The following ALG11 variants were observed in gnomAD, a reference collection of about 807,000 sequenced individuals.
The protein encoded by ALG11 is ALG11 alpha-1,2-mannosyltransferase.
In ALG11, 26 loss-of-function variants were observed where a neutral mutation model predicts 38.8. The observed-to-expected ratio is 0.67, with a 90% CI of 0.49 to 0.93. The LOEUF is 0.93. Among genes scored for constraint, ALG11 ranks in the 40% least tolerant of loss-of-function variants. The pLI, the probability that ALG11 is intolerant of heterozygous loss-of-function variation, is 0.00. For missense variants in ALG11, 535 were observed against 578.8 expected (o/e 0.92, Z 0.78); for synonymous variants, 199 against 211.6 (o/e 0.94, Z 0.52).
intron 3 of ALG11, among the ~76,000 whole-genome samples, chr13:52,026,870 A>C (rs1237494691): frequency 1.3e-5 from 2 of 152,206 alleles, no homozygotes; most frequent in African/African-American, 4.8e-5. Flanking sequence ...GTAGTTATCA[A>C]AGCTCCCGTG....
At chr13:52,019,848 T>C (rs1335968009) in intron 2 of ALG11, among the ~76,000 whole-genome samples, 2 of 152,052 alleles carry the variant, frequency 1.3e-5, no homozygotes, top group East Asian at 3.9e-4. Context: ...TGACTGAGCC[T>C]GGGAAGTCAA....
In ALG11 at chr13:52,024,836, A is replaced by T. The variant is rs77859426; in HGVS notation, c.1106A>T (p.Tyr369Phe). The part of the protein sequence containing the change: ...RLSEDLGVQE[Y>F]VEFKINIPFD... Reference sequence around the variant, plus strand: ...TCTGAGGATTTAGGAGTTCAAGAATATGTGGAATTTAAAATAAACATTCCA... The same window carrying T: ...TCTGAGGATTTAGGAGTTCAAGAATTTGTGGAATTTAAAATAAACATTCCA... The change falls in exon 3 of 4, where the codon TAT becomes TTT. Residue 369 changes from tyrosine (Y) to phenylalanine (F), a missense_variant. Coordinates refer to ENST00000521508, the MANE Select transcript of ALG11 (RefSeq NM_001004127.3). The T allele has an allele frequency of 7.4e-6, 12 of 1,614,016 alleles. No homozygotes were observed. The highest frequency in any genetic ancestry group is 1.0e-5 in the Non-Finnish European group (12 of 1,179,888).
At chr13:52,018,224 C>T (rs1052861981) in intron 1 of ALG11, among the ~76,000 whole-genome samples, 1 of 152,194 alleles carries the variant, frequency 6.6e-6, no homozygotes, top group African/African-American at 2.4e-5. Flanking sequence ...TTTTGCAGAG[C>T]TTCAATCGAC....
chr13:52,016,384 T>A (rs1326674347), intron 1 of ALG11: 1 of 152,232 alleles, frequency 6.6e-6, no homozygotes, highest in Admixed American at 6.5e-5. Context: ...AGGAGCCTAA[T>A]GTTAATCCTG....
chr13:52,029,150 GA>G lies in ALG11; in HGVS notation c.*561del. Reference sequence around the variant, plus strand: ...TAGAGTCAAATCAAAGAAGGTGGTGGAGTTACCTCTTAACAAAGAAAAAATT... The same window carrying G: ...TAGAGTCAAATCAAAGAAGGTGGTGGGTTACCTCTTAACAAAGAAAAAATT... On this transcript the variant is annotated 3_prime_UTR_variant, in exon 4 of 4. Coordinates refer to ENST00000521508, the MANE Select transcript of ALG11 (RefSeq NM_001004127.3). 6.2e-7 allele frequency: 1 copy of G among 1,614,200 alleles called. No individual in the cohort carries two copies. Among genetic ancestry groups the G allele is most frequent in the South Asian group, 1.1e-5 (1 of 91,086 alleles).
chr13:52,025,061 A>G, intron 3 of ALG11, 124 bp downstream of exon 3: 2 of 1,111,240 alleles, frequency 1.8e-6, no homozygotes, highest in Non-Finnish European at 2.7e-6. Flanking sequence ...CATCCACCAA[A>G]TGTGCTTTCC....
intron 1 of ALG11, chr13:52,017,064 C>G (rs1300340796): frequency 6.6e-6 from 1 of 152,222 alleles, no homozygotes; most frequent in Non-Finnish European, 1.5e-5. Flanking sequence ...GATGTGAGAC[C>G]TGGAGTCAAA....
chr13:52,021,100 C>T (rs566350602), intron 2 of ALG11: 7 of 152,200 alleles, frequency 4.6e-5, no homozygotes, highest in East Asian at 1.9e-4. Flanking sequence ...AATAGTGAGA[C>T]GTGCTATATA....
chr13:52,031,431 G>GGACT lies in ALG11; in HGVS notation c.*2848_*2851dup. ...TCTCAAAGCATACAGTCAAGAGGTGGGACTGACTGATGCTTTATAGGTGTG... is the reference window on the plus strand; with the variant it reads ...TCTCAAAGCATACAGTCAAGAGGTGGGACTGACTGACTGATGCTTTATAGGTGTG... On this transcript the variant is annotated 3_prime_UTR_variant, in exon 4 of 4. Transcript: ENST00000521508. 3.4e-6 allele frequency: 1 copy of GGACT among 293,010 alleles called. No individual in the cohort carries two copies. The highest frequency in any genetic ancestry group is 6.8e-6 in the Non-Finnish European group (1 of 147,914). 18.2% of individuals were successfully genotyped at this position (293,010 alleles called of 1,614,324 possible). A position where few individuals can be genotyped will look rare whatever the true frequency, so the allele number is the denominator to read the frequency against.
Position 52,031,235 on chromosome 13 carries a change from AAAAG to A in ALG11, c.*2649_*2652del, listed in dbSNP as rs1954300835. ...ATGTAGTTGAGCCACATTTTTTAAAAAAAGAAAATGGATGACCATTAATTGACTA... is the reference window on the plus strand; with the variant it reads ...ATGTAGTTGAGCCACATTTTTTAAAAAAAATGGATGACCATTAATTGACTA... On this transcript the variant is annotated 3_prime_UTR_variant, in exon 4 of 4. Coordinates refer to ENST00000521508, the MANE Select transcript of ALG11 (RefSeq NM_001004127.3). The A allele has an allele frequency of 1.5e-6, 2 of 1,358,510 alleles. No individual in the cohort carries two copies. Among genetic ancestry groups the A allele is most frequent in the Non-Finnish European group, 9.9e-7 (1 of 1,010,666 alleles). The allele number at this position is 1,358,510 out of a possible 1,614,324, so 84.2% of individuals were successfully genotyped here.
intron 1 of ALG11, chr13:52,017,014 C>G (rs1954140169): frequency 6.6e-6 from 1 of 152,202 alleles, no homozygotes; most frequent in African/African-American, 2.4e-5. Flanking sequence ...CAGAGCTGCT[C>G]AAGACCATGG....
chr13:52,024,122 T>A lies in ALG11; in HGVS notation c.392T>A (p.Val131Asp), dbSNP rs140780888. ...NIRLIHPVQFVFLRKRYLVED... is the reference protein window; with the variant it reads ...NIRLIHPVQFDFLRKRYLVED... ...AGATTAATTCACCCAGTGCAGTTTG[T>A]TTTTTTAAGGAAACGCTATCTTGTG... The change falls in exon 3 of 4, where the codon GTT becomes GAT. Residue 131 changes from valine (V) to aspartate (D), a missense_variant. Val to Asp is a radical substitution (Grantham distance 152, BLOSUM62 -3). Coordinates refer to ENST00000521508, the MANE Select transcript of ALG11 (RefSeq NM_001004127.3). The A allele has an allele frequency of 6.2e-7, 1 of 1,613,920 alleles. No individual in the cohort carries two copies. Among genetic ancestry groups the A allele is most frequent in the Non-Finnish European group, 8.5e-7 (1 of 1,179,978 alleles).
In ALG11 at chr13:52,031,368, T is replaced by G. The variant is rs1029614884; in HGVS notation, c.*2778T>G. Reference sequence around the variant, plus strand: ...CTTTTGAATATACCTAATGATTTCCTTAAAAAAGAAATTTTAAACAGACTT... The same window carrying G: ...CTTTTGAATATACCTAATGATTTCCGTAAAAAAGAAATTTTAAACAGACTT... On this transcript the variant is annotated 3_prime_UTR_variant, in exon 4 of 4. Transcript: ENST00000521508. 2 of 472,432 alleles carry G rather than the reference T, an allele frequency of 4.2e-6. No homozygotes were observed. The highest frequency in any genetic ancestry group is 3.7e-6 in the Non-Finnish European group (1 of 267,954). 29.3% of individuals were successfully genotyped at this position (472,432 alleles called of 1,614,324 possible). A position where few individuals can be genotyped will look rare whatever the true frequency, so the allele number is the denominator to read the frequency against.
At chr13:52,015,624 G>A (rs746615730) in intron 1 of ALG11, among the ~76,000 whole-genome samples, 12 of 152,180 alleles carry the variant, frequency 7.9e-5, no homozygotes, top group African/African-American at 7.2e-5. Context: ...GTAAGTTCAC[G>A]AGATCTGATG....
chr13:52,012,510 G>C, intron 1 of ALG11, 48 bp downstream of exon 1: 1 of 1,613,544 alleles, frequency 6.2e-7, no homozygotes, highest in Non-Finnish European at 8.5e-7. Flanking sequence ...CTTCTGTAGG[G>C]GTACTTGCCC....
In ALG11 at chr13:52,032,300, A is replaced by G. The variant is rs150723243; in HGVS notation, c.*3710A>G. 2 of 167,120 alleles carry G rather than the reference A, an allele frequency of 1.2e-5. No homozygotes were observed. Among genetic ancestry groups the G allele is most frequent in the African/African-American group, 2.4e-5 (1 of 41,596 alleles). The allele number at this position is 167,120 out of a possible 1,614,324, so 10.4% of individuals were successfully genotyped here. A position where few individuals can be genotyped will look rare whatever the true frequency, so the allele number is the denominator to read the frequency against. On this transcript the variant is annotated 3_prime_UTR_variant, in exon 4 of 4. Coordinates refer to ENST00000521508, the MANE Select transcript of ALG11 (RefSeq NM_001004127.3). ...CATACTAAATGTCTTCTATAATCCT[A>G]TATTTATTAATGCATTACAACTCTG... is the stretch of plus-strand genomic sequence containing the variant.
chr13:52,024,387 T>G lies in ALG11; in HGVS notation c.657T>G (p.Asn219Lys), dbSNP rs1235142832. Residue 219 changes from asparagine (N) to lysine (K), a missense_variant, in exon 3 of 4, where the codon AAT becomes AAG. Coordinates refer to ENST00000521508, the MANE Select transcript of ALG11 (RefSeq NM_001004127.3). Reference sequence around the variant, plus strand: ...AGAATCAAAATATTGGATTTAATAATGCAGCCTTCATTACCAGGAATCCTT... The same window carrying G: ...AGAATCAAAATATTGGATTTAATAAGGCAGCCTTCATTACCAGGAATCCTT... ...VVKNQNIGFN[N>K]AAFITRNPFL... 5 of 1,613,768 alleles carry G rather than the reference T, an allele frequency of 3.1e-6. No individual in the cohort carries two copies. Among genetic ancestry groups the G allele is most frequent in the Non-Finnish European group, 4.2e-6 (5 of 1,179,716 alleles).
Position 52,030,119 on chromosome 13 carries a change from G to A in ALG11, c.*1529G>A, listed in dbSNP as rs773454637. The A allele has an allele frequency of 5.0e-6, 8 of 1,614,112 alleles. No homozygotes were observed. Among genetic ancestry groups the A allele is most frequent in the South Asian group, 3.3e-5 (3 of 91,094 alleles). On this transcript the variant is annotated 3_prime_UTR_variant, in exon 4 of 4. Transcript: ENST00000521508. Reference sequence around the variant, plus strand: ...AAGATCTGAGCTCAACCAGGATGCTGAGCCAGCAAGCAGTCAAGAAACAAA... The same window carrying A: ...AAGATCTGAGCTCAACCAGGATGCTAAGCCAGCAAGCAGTCAAGAAACAAA...
Position 52,031,231 on chromosome 13 carries a change from T to TAA in ALG11, c.*2647_*2648dup. On this transcript the variant is annotated 3_prime_UTR_variant, in exon 4 of 4. Coordinates refer to ENST00000521508, the MANE Select transcript of ALG11 (RefSeq NM_001004127.3). The stretch of plus-strand genomic sequence containing the variant: ...TTGCATGTAGTTGAGCCACATTTTT[T>TAA]AAAAAAAGAAAATGGATGACCATTA... 1 of 1,396,912 alleles carries TAA rather than the reference T, an allele frequency of 7.2e-7. No individual in the cohort carries two copies. The highest frequency in any genetic ancestry group is 2.7e-5 in the Admixed American group (1 of 37,632). The allele number at this position is 1,396,912 out of a possible 1,614,324, so 86.5% of individuals were successfully genotyped here.
Sources: allele counts gnomAD v4.1 joint callset (sites outside exome capture counted in the v4.1 genomes callset), GRCh38; gene constraint gnomAD v4.1.1; transcripts MANE v1.5; gene names NCBI Gene and HGNC (gene_info 2026-07-23, HGNC 2026-07-21).